EP400: variants seen among roughly 807,000 people sequenced by gnomAD.
EP400 encodes the protein E1A binding protein p400, also known as E1A-binding protein p400.
In EP400, 105 loss-of-function variants were observed where a neutral mutation model predicts 354.1. That is an observed-to-expected ratio of 0.30 (90% CI 0.25 to 0.35). The LOEUF is 0.35. EP400 is among the 10% of genes least tolerant of loss of function. The probability of loss-of-function intolerance (pLI) is 1.00; values close to 1 mark genes in which losing one functional copy is unlikely to be tolerated. For synonymous variants in EP400, 1,646 were observed against 1,716.9 expected, an observed-to-expected ratio of 0.96 and a Z score of 1.02; for missense variants, 3,280 against 4,121.0, an observed-to-expected ratio of 0.80 and a Z score of 5.59.
intron 19 of EP400, among the ~76,000 whole-genome samples, chr12:132,015,222 C>T (rs74809317): frequency 0.016 from 2,463 of 152,334 alleles, 60 homozygotes; most frequent in African/African-American, 0.056. Flanking sequence ...ACAGTACAAC[C>T]GTCCTTTCTC....
intron 32 of EP400, among the ~76,000 whole-genome samples, chr12:132,042,528 T>C (rs564598350): frequency 3.9e-5 from 6 of 151,916 alleles, no homozygotes; most frequent in African/African-American, 1.4e-4. Context: ...CATTGTTTTA[T>C]GTTTGCTATT....
At chr12:132,034,655 A>G (rs1261847065) in intron 30 of EP400, among the ~76,000 whole-genome samples, 2 of 152,228 alleles carry the variant, frequency 1.3e-5, no homozygotes, top group Admixed American at 6.5e-5. Flanking sequence ...GGGATTTCGC[A>G]TGTTACAAAG....
chr12:132,021,180 A>C lies in EP400; in HGVS notation c.4549A>C (p.Lys1517Gln). ...STAASPAHPAKLRAQTTAQAS... is the reference protein window; with the variant it reads ...STAASPAHPAQLRAQTTAQAS... ...AGCCGCTAGCCCGGCCCATCCTGCG[A>C]AACTGCGGGCCCAGACCACAGCACA... Residue 1517 changes from lysine to glutamine, a missense_variant, in exon 23 of 53, where the codon AAA becomes CAA. Physicochemically the swap from Lys to Gln is moderately conservative, Grantham distance 53 (BLOSUM62 1). Transcript: ENST00000389561. 6.2e-7 allele frequency: 1 copy of C among 1,601,154 alleles called. No individual in the cohort carries two copies. Among genetic ancestry groups the C allele is most frequent in the Non-Finnish European group, 8.5e-7 (1 of 1,179,672 alleles).
At chr12:132,003,521 A>C (rs1018847663) in intron 12 of EP400, among the ~76,000 whole-genome samples, 1 of 151,600 alleles carries the variant, frequency 6.6e-6, no homozygotes, top group Non-Finnish European at 1.5e-5. Context: ...TTTTTCTTCG[A>C]TTTCATTTTC....
intron 12 of EP400, among the ~76,000 whole-genome samples, chr12:132,001,312 T>G (rs1012774920): frequency 5.9e-5 from 9 of 152,172 alleles, no homozygotes; most frequent in Non-Finnish European, 1.2e-4. Context: ...ACGTGTCCAC[T>G]GGACAGGGGG....
intron 25 of EP400, among the ~76,000 whole-genome samples, chr12:132,026,045 G>A (rs1487134807): frequency 6.6e-6 from 1 of 152,064 alleles, no homozygotes; most frequent in Non-Finnish European, 1.5e-5. Context: ...TTTTTGTTTT[G>A]TTTGTGTTCT....
At chr12:132,048,243 G>T (rs1239120507) in intron 39 of EP400, among the ~76,000 whole-genome samples, 2 of 152,138 alleles carry the variant, frequency 1.3e-5, no homozygotes, top group Admixed American at 6.5e-5. Flanking sequence ...AAATCACAAG[G>T]GTATTGACTG....
chr12:132,025,915 T>C lies in EP400; in HGVS notation c.5014+111T>C, dbSNP rs150262540. ...TTGACTGTATCTCAGAACAGCACAGTCTAGTGTGTGGCCATCTCTGATTTC... is the reference window on the plus strand; with the variant it reads ...TTGACTGTATCTCAGAACAGCACAGCCTAGTGTGTGGCCATCTCTGATTTC... On this transcript the variant is annotated intron_variant, in intron 25 of 52. Coordinates refer to ENST00000389561, the MANE Select transcript of EP400 (RefSeq NM_015409.5). The surrounding 1 kb of genome is among the most constrained non-coding windows in gnomAD (Gnocchi z 4.1). The C allele has an allele frequency of 1.6e-6, 2 of 1,274,380 alleles. No individual in the cohort carries two copies. The highest frequency in any genetic ancestry group is 2.1e-6 in the Non-Finnish European group (2 of 968,278). 78.9% of individuals were successfully genotyped at this position (1,274,380 alleles called of 1,614,324 possible).
intron 1 of EP400, among the ~76,000 whole-genome samples, chr12:131,954,086 T>C (rs959786697): frequency 3.3e-5 from 5 of 151,926 alleles, no homozygotes; most frequent in Non-Finnish European, 2.9e-5. Context: ...GCACTCGAGT[T>C]TAGGTGACTG....
chr12:132,070,063 C>T lies in EP400; in HGVS notation c.9021+422C>T, dbSNP rs1387733548. Among the ~76,000 whole-genome samples the T allele has an allele frequency of 6.6e-6, 1 of 152,154 alleles. No individual in the cohort carries two copies. The highest frequency in any genetic ancestry group is 1.5e-5 in the Non-Finnish European group (1 of 68,044). Reference sequence around the variant, plus strand: ...TGATTTCATGTGTGCAGTGTGCCCTCCCGTCTTCCTCTCTGCCTAGAGCTT... The same window carrying T: ...TGATTTCATGTGTGCAGTGTGCCCTTCCGTCTTCCTCTCTGCCTAGAGCTT... On this transcript the variant is annotated intron_variant, in intron 51 of 52. Coordinates refer to ENST00000389561, the MANE Select transcript of EP400 (RefSeq NM_015409.5). The surrounding 1 kb of genome is among the most constrained non-coding windows in gnomAD (Gnocchi z 4.1).
chr12:132,022,467 C>A (rs1282294728), intron 23 of EP400, among the ~76,000 whole-genome samples: 7 of 152,174 alleles, frequency 4.6e-5, no homozygotes, highest in Non-Finnish European at 8.8e-5. Flanking sequence ...TTCTTTTTAT[C>A]ATATCACTAA....
At chr12:132,053,071 T>G in intron 41 of EP400, 75 bp from the exon 42 acceptor site, 1 of 1,491,492 alleles carries the variant, frequency 6.7e-7, no homozygotes, top group Non-Finnish European at 9.3e-7. Flanking sequence ...GGCAGCATGG[T>G]GTTTCTAGGG....
At chr12:132,056,214 G>A (rs1050712622) in intron 45 of EP400, among the ~76,000 whole-genome samples, 11 of 152,060 alleles carry the variant, frequency 7.2e-5, no homozygotes, top group Non-Finnish European at 1.6e-4. Context: ...ACAGACCCAG[G>A]GGCAACATAC....
At chr12:132,056,931 A>G (rs1054562877) in intron 45 of EP400, among the ~76,000 whole-genome samples, 2 of 152,238 alleles carry the variant, frequency 1.3e-5, no homozygotes, top group Admixed American at 1.3e-4. Flanking sequence ...AATACCTGAA[A>G]AGGTGTGCAA....
At position 132,078,886 on chromosome 12, in the gene EP400, G is replaced by C. The variant is rs1008211920; in HGVS notation, c.*1213G>C. 1.3e-5 allele frequency: 2 copies of C among 152,178 alleles called. No individual in the cohort carries two copies. The highest frequency in any genetic ancestry group is 4.8e-5 in the African/African-American group (2 of 41,426). 9.4% of individuals were successfully genotyped at this position (152,178 alleles called of 1,614,324 possible). On this transcript the variant is annotated 3_prime_UTR_variant, in exon 53 of 53. Transcript: ENST00000389561. The stretch of plus-strand genomic sequence containing the variant: ...GTTTTTCCTTTTTTTACTATGACAG[G>C]AAAATAAATGCAATTTTAGTGGAAT...
At position 132,028,232 on chromosome 12, in the gene EP400, T is replaced by C. The variant is rs139606942; in HGVS notation, c.5325T>C (p.Ser1775=). ...HSYTSSSESP[S]ELMLTLCRCG... is the part of the protein sequence containing the mutation. ...ACACTTCATCCTCAGAAAGTCCAAGTGAGCTGATGTTGACGCTTTGTCGGT... is the reference window on the plus strand; with the variant it reads ...ACACTTCATCCTCAGAAAGTCCAAGCGAGCTGATGTTGACGCTTTGTCGGT... The change falls in exon 27 of 53, where the codon AGT becomes AGC. Residue 1775 remains serine, a synonymous_variant. Coordinates refer to ENST00000389561, the MANE Select transcript of EP400 (RefSeq NM_015409.5). 3.2e-4 allele frequency: 521 copies of C among 1,613,080 alleles called. No individual in the cohort carries two copies. Among genetic ancestry groups the C allele is most frequent in the Non-Finnish European group, 4.1e-4 (486 of 1,179,180 alleles).
At chr12:131,987,959 G>C (rs957839882) in intron 7 of EP400, 69 bp downstream of exon 7, 7 of 1,210,514 alleles carry the variant, frequency 5.8e-6, no homozygotes, top group Non-Finnish European at 7.7e-6. Flanking sequence ...AGTGGTGTAA[G>C]TGGTGGGGAG....
chr12:131,973,236 A>G (rs1206795601), intron 2 of EP400, among the ~76,000 whole-genome samples: 1 of 152,208 alleles, frequency 6.6e-6, no homozygotes, highest in African/African-American at 2.4e-5. Flanking sequence ...CTATTTAGAA[A>G]AACTCTTAGG....
At position 132,075,928 on chromosome 12, in the gene EP400, A is replaced by T. The variant is rs1220041069; in HGVS notation, c.9022-588A>T. 1.1e-5 allele frequency: 2 copies of T among 178,336 alleles called. No individual in the cohort carries two copies. Among genetic ancestry groups the T allele is most frequent in the South Asian group, 2.5e-4 (2 of 8,016 alleles). 11.0% of individuals were successfully genotyped at this position (178,336 alleles called of 1,614,324 possible). A position where few individuals can be genotyped will look rare whatever the true frequency, so the allele number is the denominator to read the frequency against. On this transcript the variant is annotated intron_variant, in intron 51 of 52. Transcript: ENST00000389561. This position sits in a 1 kb window ranked among gnomAD's most constrained non-coding sequence, Gnocchi z 4.5. ...ACACACAGGTGGCCCAGAGCCTCTT[A>T]CTACGTCAAGACAGCGGGAGATGCA...
Sources: gnomAD v4.1 joint callset for allele counts (sites outside exome capture counted in the v4.1 genomes callset) on GRCh38, gnomAD v4.1.1 for gene constraint, Gnocchi (gnomAD v3.1) non-coding constraint, MANE v1.5 for transcripts, NCBI Gene and HGNC (gene_info 2026-07-23, HGNC 2026-07-21) for gene names.